The following WDR49 variants were observed in gnomAD, a reference collection of about 807,000 sequenced individuals.
The protein encoded by WDR49 is WD repeat domain 49, also known as cilia- and flagella-associated protein 337.
In WDR49, 107 loss-of-function variants were observed where a neutral mutation model predicts 119.5. That is an observed-to-expected ratio of 0.90 (90% confidence interval 0.77 to 1.05). The LOEUF (loss-of-function observed/expected upper bound fraction) is 1.05. WDR49 is among the 50% of genes least tolerant of loss of function. WDR49 has a pLI of 0.00. For synonymous variants in WDR49, 425 were observed against 418.8 expected (o/e 1.01, Z -0.18); for missense variants, 1,240 against 1,220.5 (o/e 1.02, Z -0.24).
At chr3:167,575,471 G>T (rs753485758) in intron 8 of WDR49, among the ~76,000 whole-genome samples, 3 of 152,194 alleles carry the variant, frequency 2.0e-5, no homozygotes, top group Non-Finnish European at 4.4e-5. Flanking sequence ...TACATTCTGG[G>T]CTGCCACTGT....
intron 13 of WDR49, among the ~76,000 whole-genome samples, 167 bp from the exon 14 acceptor site, chr3:167,529,406 G>A (rs1752764362): frequency 6.6e-6 from 1 of 152,084 alleles, no homozygotes; most frequent in Admixed American, 6.6e-5. Context: ...TGGAGGTGAC[G>A]CTATGATAAC....
intron 7 of WDR49, among the ~76,000 whole-genome samples, chr3:167,581,350 G>C (rs1265942049): frequency 6.6e-6 from 1 of 151,970 alleles, no homozygotes; most frequent in Non-Finnish European, 1.5e-5. Flanking sequence ...TTCATCCTAG[G>C]CAGTTCAGGT....
intron 10 of WDR49, among the ~76,000 whole-genome samples, chr3:167,541,707 C>A (rs1347880396): frequency 6.6e-6 from 1 of 152,062 alleles, no homozygotes; most frequent in Non-Finnish European, 1.5e-5. Flanking sequence ...CGTCTCAATA[C>A]TAACATTGAA....
At chr3:167,614,136 C>T (rs145222514) in intron 5 of WDR49, among the ~76,000 whole-genome samples, 8 of 152,158 alleles carry the variant, frequency 5.3e-5, no homozygotes, top group African/African-American at 1.7e-4. Flanking sequence ...GCTCTCTCGC[C>T]CAGGTTGGAG....
At chr3:167,552,874 T>C (rs1050925734) in intron 10 of WDR49, among the ~76,000 whole-genome samples, 2 of 152,120 alleles carry the variant, frequency 1.3e-5, no homozygotes, top group African/African-American at 4.8e-5. Flanking sequence ...AACCAATCTC[T>C]GTATTTGGAT....
intron 9 of WDR49, among the ~76,000 whole-genome samples, chr3:167,557,520 G>A (rs1175837874): frequency 6.6e-6 from 1 of 152,144 alleles, no homozygotes; most frequent in African/African-American, 2.4e-5. Flanking sequence ...CCTAGACTCT[G>A]CCAAAACTCA....
chr3:167,546,891 C>T (rs1236517950), intron 10 of WDR49, among the ~76,000 whole-genome samples: 1 of 151,672 alleles, frequency 6.6e-6, no homozygotes, highest in Non-Finnish European at 1.5e-5. Flanking sequence ...TTCTTCAATT[C>T]ATTGCTTTTT....
At chr3:167,553,945 C>A (rs1168290371) in intron 10 of WDR49, among the ~76,000 whole-genome samples, 1 of 152,052 alleles carries the variant, frequency 6.6e-6, no homozygotes, top group African/African-American at 2.4e-5. Context: ...CTGATTTAAT[C>A]CGAGCTTCAA....
chr3:167,550,778 TGAGAGAGAGAG>T (rs1712509972), intron 10 of WDR49, among the ~76,000 whole-genome samples: 1 of 144,016 alleles, frequency 6.9e-6, no homozygotes, highest in Non-Finnish European at 1.5e-5. Flanking sequence ...TTTTTTTTTT[TGAGAGAGAGAG>T]AGAGAGAGAG....
At chr3:167,636,646 C>A (rs1294340410) in intron 2 of WDR49, among the ~76,000 whole-genome samples, 2 of 151,664 alleles carry the variant, frequency 1.3e-5, no homozygotes, top group South Asian at 2.1e-4. Flanking sequence ...TACATCCATG[C>A]CAACATGTAT....
chr3:167,616,766 T>A (rs1362118674), intron 5 of WDR49, among the ~76,000 whole-genome samples: 2 of 152,028 alleles, frequency 1.3e-5, no homozygotes, highest in Non-Finnish European at 2.9e-5. Flanking sequence ...TACACACATA[T>A]ACACACACCC....
chr3:167,554,587 C>T, intron 10 of WDR49, 63 bp downstream of exon 10: 1 of 1,139,112 alleles, frequency 8.8e-7, no homozygotes, highest in Non-Finnish European at 1.2e-6. Flanking sequence ...CAGAGTCAAC[C>T]AAGATTTTTA....
rs1717175356 is a variant in WDR49 at position 167,627,308 on chromosome 3, C to CA, written c.166-17dup. The stretch of plus-strand genomic sequence containing the variant: ...GCTGTGGGGACTAGAAACAGGAATC[C>CA]AAAAACAATAATGAGACAACAGTGA... On this transcript the variant is annotated splice_polypyrimidine_tract_variant and intron_variant, in intron 2 of 18. Transcript: ENST00000682715. The CA allele has an allele frequency of 8.1e-7, 1 of 1,234,546 alleles. No individual in the cohort carries two copies. Among genetic ancestry groups the CA allele is most frequent in the South Asian group, 4.1e-5 (1 of 24,490 alleles). 76.5% of individuals were successfully genotyped at this position (1,234,546 alleles called of 1,614,324 possible). A position where few individuals can be genotyped will look rare whatever the true frequency, so the allele number is the denominator to read the frequency against.
rs74903439 is a variant in WDR49 at position 167,604,375 on chromosome 3, C to G, written c.1052G>C (p.Arg351Pro). The change falls in exon 6 of 19, where the codon CGT (arginine) becomes CCT (proline). Residue 351 changes from arginine (R) to proline (P), a missense_variant. Physicochemically the swap from Arg to Pro is moderately radical, Grantham distance 103. Transcript: ENST00000682715. ...VMAWREKSKK[R>P]LNMTSFNIAQ... ...AATGTTGAAGGATGTCATATTAAGA[C>G]GCTTTTTTGATTTCTCTCTCCAAGC... 1 of 1,613,714 alleles carries G rather than the reference C, an allele frequency of 6.2e-7. No individual in the cohort carries two copies. The highest frequency in any genetic ancestry group is 8.5e-7 in the Non-Finnish European group (1 of 1,179,868).
intron 8 of WDR49, among the ~76,000 whole-genome samples, chr3:167,561,626 G>T (rs999766385): frequency 2.0e-5 from 3 of 152,080 alleles, no homozygotes; most frequent in African/African-American, 7.2e-5. Context: ...GAGGAGCAAG[G>T]GGCAAGTCAG....
At chr3:167,514,511 C>T (rs1752116731) in intron 16 of WDR49, among the ~76,000 whole-genome samples, 1 of 151,906 alleles carries the variant, frequency 6.6e-6, no homozygotes, top group Non-Finnish European at 1.5e-5. Flanking sequence ...CTAGAAAGAT[C>T]TCAAATCAAC....
chr3:167,611,155 C>T (rs1189291570), intron 5 of WDR49, among the ~76,000 whole-genome samples: 1 of 151,972 alleles, frequency 6.6e-6, no homozygotes, highest in African/African-American at 2.4e-5. Context: ...ATAATCAGTA[C>T]AATAAGATAT....
At position 167,512,841 on chromosome 3, in the gene WDR49, C is replaced by T. The variant is rs141655973; in HGVS notation, c.2775-7425G>A. 5.9e-3 allele frequency among the ~76,000 whole-genome samples: 896 copies of T among 152,180 alleles called. 10 individuals carry two copies. The highest frequency in any genetic ancestry group is 0.029 in the South Asian group (140 of 4,816). ...AGTGTCAATAGCTGAATAGTCCACACGGAGGACAGAATCTCAGAGCTTGAT... is the reference window on the plus strand; with the variant it reads ...AGTGTCAATAGCTGAATAGTCCACATGGAGGACAGAATCTCAGAGCTTGAT... On this transcript the variant is annotated intron_variant, in intron 16 of 18. Transcript: ENST00000682715.
At chr3:167,651,075 ATGGTATGTGATATTTTAT>A (rs1227704075) in intron 2 of WDR49, among the ~76,000 whole-genome samples, 1 of 152,230 alleles carries the variant, frequency 6.6e-6, no homozygotes, top group South Asian at 2.1e-4. Flanking sequence ...TACGATTAGT[ATGGTATGTGATATTTTAT>A]TCGGAAATAC....
Sources: allele counts gnomAD v4.1 joint callset (sites outside exome capture counted in the v4.1 genomes callset), GRCh38; gene constraint gnomAD v4.1.1; transcripts MANE v1.5; gene names NCBI Gene and HGNC (gene_info 2026-07-23, HGNC 2026-07-21).